The following NALCN variants were observed in gnomAD, a reference collection of about 807,000 sequenced individuals.
NALCN encodes sodium leak channel NALCN.
In NALCN, 111 loss-of-function variants were observed where a neutral mutation model predicts 225.3. The ratio of observed to expected loss-of-function variants is 0.49; its 90% CI spans 0.42 to 0.58. The LOEUF (loss-of-function observed/expected upper bound fraction) is 0.58, where lower values mean the gene tolerates loss of function less well. NALCN is among the 20% of genes least tolerant of loss of function. NALCN has a pLI of 0.00. For missense variants in NALCN, 1,378 were observed against 2,202.4 expected (o/e 0.63, Z 7.49); for synonymous variants, 764 against 769.0 (o/e 0.99, Z 0.11).
At chr13:101,187,110 C>T (rs1404407789) in intron 14 of NALCN, among the ~76,000 whole-genome samples, 1 of 152,118 alleles carries the variant, frequency 6.6e-6, no homozygotes, top group Non-Finnish European at 1.5e-5. Flanking sequence ...TCAGCCACAG[C>T]CTGAAAATAT....
intron 7 of NALCN, among the ~76,000 whole-genome samples, chr13:101,343,091 T>C (rs1050508079): frequency 6.6e-6 from 1 of 152,192 alleles, no homozygotes; most frequent in Non-Finnish European, 1.5e-5. Flanking sequence ...CATGAAGAGA[T>C]GATCACATGT....
At chr13:101,237,981 T>TAG in intron 11 of NALCN, 59 bp from the exon 12 acceptor site, 1 of 1,485,586 alleles carries the variant, frequency 6.7e-7, no homozygotes, top group Non-Finnish European at 9.2e-7. Context: ...TTCTAAATTA[T>TAG]TTCACATATT....
intron 13 of NALCN, among the ~76,000 whole-genome samples, chr13:101,196,633 A>C (rs1406430536): frequency 6.6e-6 from 1 of 152,216 alleles, no homozygotes; most frequent in Non-Finnish European, 1.5e-5. Flanking sequence ...AGAGGGGTAC[A>C]GGGAGAGAAG....
intron 10 of NALCN, among the ~76,000 whole-genome samples, chr13:101,264,643 G>C (rs770293546): frequency 2.0e-5 from 3 of 152,068 alleles, no homozygotes; most frequent in Non-Finnish European, 4.4e-5. Flanking sequence ...ACTGTTGTAG[G>C]GGATACTCCT....
intron 13 of NALCN, among the ~76,000 whole-genome samples, chr13:101,227,458 C>A (rs2041188943): frequency 6.6e-6 from 1 of 152,114 alleles, no homozygotes. Context: ...TGATGAGGAA[C>A]ATCTGAGTCC....
chr13:101,207,745 T>C (rs1396318742), intron 13 of NALCN, among the ~76,000 whole-genome samples: 2 of 152,162 alleles, frequency 1.3e-5, no homozygotes, highest in Admixed American at 1.3e-4. Flanking sequence ...CAGCAGGATG[T>C]GGGTGGGGCC....
At chr13:101,203,336 C>T (rs935391275) in intron 13 of NALCN, among the ~76,000 whole-genome samples, 1 of 152,180 alleles carries the variant, frequency 6.6e-6, no homozygotes, top group Non-Finnish European at 1.5e-5. Flanking sequence ...CTGCCTCAGT[C>T]TCCTAAGTAG....
chr13:101,272,631 TGAA>T (rs776769349), intron 10 of NALCN, among the ~76,000 whole-genome samples: 28 of 152,240 alleles, frequency 1.8e-4, no homozygotes, highest in Non-Finnish European at 1.8e-4. Context: ...ATGACAGAAT[TGAA>T]GAAGGATCAG....
In NALCN at chr13:101,345,365, C is replaced by G. The variant is rs1255554276; in HGVS notation, c.700G>C (p.Glu234Gln). Residue 234 changes from glutamate (E) to glutamine (Q), a missense_variant, in exon 7 of 44, where the codon GAA (glutamate) becomes CAA (glutamine). By Grantham distance (29) the Glu-to-Gln change is conservative. This residue lies in a region of NALCN where 67 missense variants were observed against 82.1 expected (regional missense o/e 0.82). Coordinates refer to ENST00000251127, the MANE Select transcript of NALCN (RefSeq NM_052867.4). ...CCAGGTGGGCACTGGTAGCCTTCTT[C>G]TAGCTCTGGTGAGCAGTGTGTGTCT... ...IPDTHCSPEL[E>Q]EGYQCPPGFK... The G allele has an allele frequency of 1.6e-5, 26 of 1,613,742 alleles. No individual in the cohort carries two copies. Among genetic ancestry groups the G allele is most frequent in the Non-Finnish European group, 2.2e-5 (26 of 1,179,832 alleles).
chr13:101,248,092 G>A (rs1159162383), intron 11 of NALCN, among the ~76,000 whole-genome samples: 1 of 152,158 alleles, frequency 6.6e-6, no homozygotes, highest in African/African-American at 2.4e-5. Flanking sequence ...TTGATTCCAT[G>A]TCTTTGCTAT....
Position 101,200,477 on chromosome 13 carries a change from G to A in NALCN, c.1627-8423C>T, listed in dbSNP as rs181639657. Among the ~76,000 whole-genome samples, 20 of 152,212 alleles carry A rather than the reference G, an allele frequency of 1.3e-4. No homozygotes were observed. The East Asian group carries it at 2.1e-3, about 16-fold the overall frequency. On this transcript the variant is annotated intron_variant, in intron 13 of 43. Transcript: ENST00000251127. ...CTCACGCTTTGGTGCTGTATTTTCC[G>A]GTTATAAGTTGAGATTAAGAGCGTC...
intron 13 of NALCN, among the ~76,000 whole-genome samples, chr13:101,192,319 A>G (rs1234724097): frequency 1.3e-5 from 2 of 152,236 alleles, no homozygotes; most frequent in East Asian, 3.8e-4. Context: ...TGAGCAAATT[A>G]GAAACAAATT....
At chr13:101,395,829 T>C (rs1018990938) in intron 2 of NALCN, among the ~76,000 whole-genome samples, 3 of 152,202 alleles carry the variant, frequency 2.0e-5, no homozygotes, top group Non-Finnish European at 4.4e-5. Flanking sequence ...CATACTATAT[T>C]TACCATAACT....
intron 13 of NALCN, among the ~76,000 whole-genome samples, chr13:101,208,309 G>A (rs2040398256): frequency 6.6e-6 from 1 of 152,090 alleles, no homozygotes; most frequent in South Asian, 2.1e-4. Flanking sequence ...AGCGAGACCA[G>A]GAACCCACCA....
chr13:101,272,717 C>T (rs1326591367), intron 10 of NALCN, among the ~76,000 whole-genome samples: 1 of 152,108 alleles, frequency 6.6e-6, no homozygotes, highest in African/African-American at 2.4e-5. Context: ...CAGGGAAAAC[C>T]TAGTTTCTTT....
intron 7 of NALCN, among the ~76,000 whole-genome samples, chr13:101,311,968 C>G (rs1040777207): frequency 6.6e-6 from 1 of 151,922 alleles, no homozygotes; most frequent in Non-Finnish European, 1.5e-5. Flanking sequence ...TGGTAGAATT[C>G]GGCTGTGAAT....
At chr13:101,254,774 C>T (rs1414540825) in intron 11 of NALCN, among the ~76,000 whole-genome samples, 2 of 114,924 alleles carry the variant, frequency 1.7e-5, no homozygotes, top group African/African-American at 5.8e-5. Flanking sequence ...GCCTGTAGTC[C>T]CAGCTACTTG....
intron 17 of NALCN, among the ~76,000 whole-genome samples, chr13:101,133,764 T>G (rs938449241): frequency 1.3e-5 from 2 of 152,220 alleles, no homozygotes; most frequent in Admixed American, 1.3e-4. Flanking sequence ...ATTAAAATGT[T>G]GATTATGGAT....
intron 7 of NALCN, among the ~76,000 whole-genome samples, chr13:101,338,091 G>T (rs151276454): frequency 1.3e-5 from 2 of 152,186 alleles, no homozygotes; most frequent in Non-Finnish European, 2.9e-5. Context: ...CAAAAGTAAC[G>T]ACTGTCTGAT....
Sources: allele counts gnomAD v4.1 joint callset (sites outside exome capture counted in the v4.1 genomes callset), GRCh38; gene constraint gnomAD v4.1.1; regional missense constraint gnomAD v4.1.1; transcripts MANE v1.5; gene names NCBI Gene and HGNC (gene_info 2026-07-23, HGNC 2026-07-21).